TTC39B: variants seen among roughly 807,000 people sequenced by gnomAD.
The protein encoded by TTC39B is tetratricopeptide repeat protein 39B.
A neutral mutation model predicts 96.6 loss-of-function variants in TTC39B; 92 were observed. The observed-to-expected ratio is 0.95, with a 90% CI of 0.80 to 1.13. TTC39B has a LOEUF of 1.13. Ranked by LOEUF, TTC39B falls within the 50% of genes most tolerant of loss-of-function variation. The probability of loss-of-function intolerance (pLI) is 0.00; values close to 1 mark genes in which losing one functional copy is unlikely to be tolerated. For missense variants in TTC39B, 955 were observed against 809.3 expected (o/e 1.18, Z -2.18); for synonymous variants, 367 against 299.4 (o/e 1.23, Z -2.33).
intron 17 of TTC39B, among the ~76,000 whole-genome samples, chr9:15,181,866 C>T (rs1032341617): frequency 6.6e-6 from 1 of 152,128 alleles, no homozygotes; most frequent in Non-Finnish European, 1.5e-5. Context: ...CTGAGAGTAA[C>T]CATTCAATGG....
intron 1 of TTC39B, among the ~76,000 whole-genome samples, chr9:15,278,514 G>C (rs1267544749): frequency 6.6e-6 from 1 of 152,096 alleles, no homozygotes; most frequent in Non-Finnish European, 1.5e-5. Flanking sequence ...CTATCCTCTA[G>C]TGCCAACTCT....
intron 3 of TTC39B, among the ~76,000 whole-genome samples, chr9:15,217,097 G>T (rs1820563849): frequency 6.6e-6 from 1 of 152,162 alleles, no homozygotes; most frequent in Admixed American, 6.5e-5. Flanking sequence ...GATGAGCAAG[G>T]CAGAGAATGA....
At chr9:15,261,010 A>C (rs188009421) in intron 2 of TTC39B, among the ~76,000 whole-genome samples, 2 of 152,362 alleles carry the variant, frequency 1.3e-5, no homozygotes, top group Non-Finnish European at 2.9e-5. Context: ...ACTGCTGAGA[A>C]TATATTAAAC....
At chr9:15,192,770 T>G (rs1818932648) in intron 8 of TTC39B, 75 bp from the exon 9 acceptor site, 1 of 974,702 alleles carries the variant, frequency 1.0e-6, no homozygotes, top group Non-Finnish European at 1.6e-6. Flanking sequence ...AATTTTACAC[T>G]TATGTGCTAT....
intron 1 of TTC39B, among the ~76,000 whole-genome samples, chr9:15,280,695 G>T (rs1164294808): frequency 6.6e-6 from 1 of 152,214 alleles, no homozygotes; most frequent in Admixed American, 6.5e-5. Flanking sequence ...TGGCGGAAAA[G>T]GGGCCAGCAG....
chr9:15,189,740 G>C (rs774776110), exon 12 of TTC39B: 3 of 1,613,788 alleles, frequency 1.9e-6, no homozygotes, highest in East Asian at 4.5e-5. Flanking sequence ...GAAACTGCTG[G>C]AGGAAGGGTG....
chr9:15,163,986 A>G (rs1460980184), exon 20 of TTC39B: 2 of 152,212 alleles, frequency 1.3e-5, no homozygotes, highest in Admixed American at 6.5e-5. Flanking sequence ...CTCATTGGGA[A>G]CAGTTTTTAT....
intron 7 of TTC39B, 53 bp from the exon 8 acceptor site, chr9:15,199,978 G>A (rs111916197): frequency 1.9e-6 from 2 of 1,027,576 alleles, no homozygotes; most frequent in African/African-American, 3.3e-5. Flanking sequence ...ATTTTAAATT[G>A]TCCCCACAGT....
At chr9:15,217,530 T>C (rs777032304) in intron 3 of TTC39B, among the ~76,000 whole-genome samples, 2 of 152,146 alleles carry the variant, frequency 1.3e-5, no homozygotes, top group Non-Finnish European at 2.9e-5. Flanking sequence ...AGGGCTACCA[T>C]GGGTTCTGTA....
intron 3 of TTC39B, among the ~76,000 whole-genome samples, chr9:15,220,368 A>G (rs988614606): frequency 6.6e-6 from 1 of 152,184 alleles, no homozygotes. Context: ...AAGGGAGAGG[A>G]GGGACCCCAT....
At chr9:15,182,271 G>C (rs747154975) in intron 17 of TTC39B, 36 bp downstream of exon 17, 10 of 1,393,776 alleles carry the variant, frequency 7.2e-6, no homozygotes, top group East Asian at 2.3e-5. Context: ...ATGGAGCAGA[G>C]ACAAAGGCTC....
At chr9:15,170,359 G>A (rs1815435242) in exon 20 of TTC39B, 1 of 152,066 alleles carries the variant, frequency 6.6e-6, no homozygotes, top group African/African-American at 2.4e-5. Context: ...TACACAGTAA[G>A]GTATTTGAAT....
At chr9:15,257,108 A>AT (rs924771358) in intron 2 of TTC39B, among the ~76,000 whole-genome samples, 11 of 152,326 alleles carry the variant, frequency 7.2e-5, no homozygotes, top group South Asian at 2.1e-4. Context: ...CAGTCTTGTG[A>AT]TTTTTTAAAA....
intron 17 of TTC39B, among the ~76,000 whole-genome samples, chr9:15,179,239 A>G (rs977550259): frequency 2.6e-5 from 4 of 152,202 alleles, no homozygotes; most frequent in African/African-American, 9.7e-5. Context: ...ACAGAACGAC[A>G]ATTTACACAT....
At chr9:15,267,764 C>A in intron 2 of TTC39B, 150 bp downstream of exon 2, 1 of 609,938 alleles carries the variant, frequency 1.6e-6, no homozygotes, top group South Asian at 2.1e-5. Context: ...AATATAATCA[C>A]ATCCTCTTTA....
chr9:15,190,066 A>G (rs1215062459), intron 11 of TTC39B, among the ~76,000 whole-genome samples: 7 of 152,198 alleles, frequency 4.6e-5, no homozygotes, highest in Non-Finnish European at 8.8e-5. Flanking sequence ...ATATTAACTT[A>G]TTTAGCCCAA....
intron 6 of TTC39B, among the ~76,000 whole-genome samples, chr9:15,204,133 T>C (rs1365952556): frequency 1.3e-5 from 2 of 152,220 alleles, no homozygotes; most frequent in African/African-American, 4.8e-5. Context: ...AAAGAGTCAG[T>C]CACTTCGTAT....
chr9:15,171,062 C>G (rs1817635581), exon 20 of TTC39B: 2 of 152,184 alleles, frequency 1.3e-5, no homozygotes, highest in South Asian at 4.1e-4. Flanking sequence ...GAGTGTCAAG[C>G]TCTCTTCTGC....
chr9:15,235,884 T>C (rs185110500), intron 2 of TTC39B, among the ~76,000 whole-genome samples: 138 of 152,120 alleles, frequency 9.1e-4, no homozygotes, highest in African/African-American at 3.2e-3. Flanking sequence ...AGCTCACAGA[T>C]CTTATAAAAC....
Sources: allele counts gnomAD v4.1 joint callset (sites outside exome capture counted in the v4.1 genomes callset), GRCh38; gene constraint gnomAD v4.1.1; transcripts MANE v1.5; gene names NCBI Gene and HGNC (gene_info 2026-07-23, HGNC 2026-07-21).